The following CLIC4 variants were observed in gnomAD, a reference collection of about 807,000 sequenced individuals.
CLIC4 encodes chloride intracellular channel protein 4.
Under a neutral mutation model 24.6 loss-of-function variants are expected in CLIC4, and 13 were observed. That is an observed-to-expected ratio of 0.53 (90% confidence interval 0.34 to 0.84). CLIC4 has a LOEUF of 0.84. CLIC4 is among the 40% of genes least tolerant of loss of function. CLIC4 has a pLI of 0.01. For missense variants in CLIC4, 227 were observed against 301.7 expected (o/e 0.75, Z 1.83); for synonymous variants, 104 against 111.3 (o/e 0.93, Z 0.41).
At chr1:24,768,566 A>G (rs1028579605) in intron 1 of CLIC4, among the ~76,000 whole-genome samples, 1 of 152,124 alleles carries the variant, frequency 6.6e-6, no homozygotes, top group Non-Finnish European at 1.5e-5. Context: ...ATCTAAGATT[A>G]TTGTTTTTAG....
chr1:24,782,014 A>T (rs2124113846), intron 1 of CLIC4, among the ~76,000 whole-genome samples: 1 of 152,328 alleles, frequency 6.6e-6, no homozygotes, highest in East Asian at 1.9e-4. Context: ...TGAAACTATT[A>T]TGTTAGGTAA....
At chr1:24,839,276 G>C (rs1287071240) in intron 4 of CLIC4, among the ~76,000 whole-genome samples, 1 of 152,148 alleles carries the variant, frequency 6.6e-6, no homozygotes. Flanking sequence ...TGGACCATTT[G>C]TGTTCATGTG....
intron 1 of CLIC4, among the ~76,000 whole-genome samples, chr1:24,779,048 C>T (rs1639174415): frequency 6.6e-6 from 1 of 151,882 alleles, no homozygotes; most frequent in Non-Finnish European, 1.5e-5. Flanking sequence ...AACATTTTGG[C>T]ACTGATTAGA....
chr1:24,767,718 CT>C (rs1368263889), intron 1 of CLIC4, among the ~76,000 whole-genome samples: 6 of 151,784 alleles, frequency 4.0e-5, no homozygotes, highest in African/African-American at 7.3e-5. Flanking sequence ...GAATGTTTTT[CT>C]TTTTTTCCTC....
chr1:24,751,207 C>CTTT (rs563478354), intron 1 of CLIC4, among the ~76,000 whole-genome samples: 8 of 109,018 alleles, frequency 7.3e-5, no homozygotes, highest in African/African-American at 2.0e-4. Flanking sequence ...TACTTCCAGT[C>CTTT]TTTTTTTTTT....
At chr1:24,747,093 C>A (rs995254880) in intron 1 of CLIC4, among the ~76,000 whole-genome samples, 5 of 140,844 alleles carry the variant, frequency 3.6e-5, no homozygotes, top group African/African-American at 1.4e-4. Flanking sequence ...TGTCAATTTT[C>A]GATTTTTTTT....
chr1:24,811,029 A>G (rs763834943), intron 2 of CLIC4, among the ~76,000 whole-genome samples: 2 of 151,616 alleles, frequency 1.3e-5, no homozygotes, highest in Non-Finnish European at 2.9e-5. Flanking sequence ...TAGTGAGCCG[A>G]GATCGCACCA....
intron 2 of CLIC4, among the ~76,000 whole-genome samples, chr1:24,804,571 G>T (rs1354016489): frequency 7.0e-6 from 1 of 143,294 alleles, no homozygotes; most frequent in Non-Finnish European, 1.5e-5. Context: ...GTGTACGTGG[G>T]TGGGTGGGGA....
intron 1 of CLIC4, among the ~76,000 whole-genome samples, chr1:24,745,959 G>T (rs1272631540): frequency 6.7e-6 from 1 of 150,266 alleles, no homozygotes; most frequent in African/African-American, 2.4e-5. Context: ...CGCCGGGCGC[G>T]CGCGGGTCCT....
At chr1:24,812,790 C>T (rs1639627706) in intron 2 of CLIC4, among the ~76,000 whole-genome samples, 1 of 152,088 alleles carries the variant, frequency 6.6e-6, no homozygotes, top group Non-Finnish European at 1.5e-5. Context: ...GCGATCTTGG[C>T]TCACTGTAAC....
intron 2 of CLIC4, among the ~76,000 whole-genome samples, chr1:24,808,844 T>A (rs151264698): frequency 0.014 from 2,050 of 151,802 alleles, 48 homozygotes; most frequent in African/African-American, 0.047. Flanking sequence ...GCCTGACTAA[T>A]TTTTTTTATT....
At chr1:24,801,162 G>A (rs1323129880) in intron 2 of CLIC4, among the ~76,000 whole-genome samples, 1 of 151,974 alleles carries the variant, frequency 6.6e-6, no homozygotes, top group African/African-American at 2.4e-5. Context: ...AACATGATTT[G>A]CTATTATACT....
intron 3 of CLIC4, among the ~76,000 whole-genome samples, chr1:24,815,571 T>C (rs1254204097): frequency 6.6e-6 from 1 of 152,200 alleles, no homozygotes; most frequent in Admixed American, 6.5e-5. Context: ...TTTTTGCCGA[T>C]GGAGGGTCTT....
chr1:24,812,217 C>T (rs1420500444), intron 2 of CLIC4, among the ~76,000 whole-genome samples: 3 of 152,160 alleles, frequency 2.0e-5, no homozygotes, highest in Non-Finnish European at 4.4e-5. Flanking sequence ...AAGCTTTTCT[C>T]ACTCAGTACT....
At chr1:24,746,875 A>G (rs1015308548) in intron 1 of CLIC4, among the ~76,000 whole-genome samples, 1 of 152,156 alleles carries the variant, frequency 6.6e-6, no homozygotes, top group Non-Finnish European at 1.5e-5. Flanking sequence ...ACGCGCCTGT[A>G]CTACTCTGGA....
At chr1:24,777,835 TAA>T (rs1198922818) in intron 1 of CLIC4, 1 of 152,176 alleles carries the variant, frequency 6.6e-6, no homozygotes, top group East Asian at 1.9e-4. Flanking sequence ...TTGGGTTAAA[TAA>T]AAAAATTTAA....
At chr1:24,766,845 T>C (rs116144382) in intron 1 of CLIC4, among the ~76,000 whole-genome samples, 2,389 of 151,576 alleles carry the variant, frequency 0.016, 66 homozygotes, top group African/African-American at 0.055. Context: ...TCTTTTGGAA[T>C]TGAAGACCAT....
At chr1:24,793,509 G>C (rs1454891866) in intron 1 of CLIC4, among the ~76,000 whole-genome samples, 1 of 152,144 alleles carries the variant, frequency 6.6e-6, no homozygotes, top group African/African-American at 2.4e-5. Context: ...TGCTGAATCA[G>C]AATCTCTAGA....
At chr1:24,827,634 G>A (rs953415552) in intron 4 of CLIC4, among the ~76,000 whole-genome samples, 1 of 151,202 alleles carries the variant, frequency 6.6e-6, no homozygotes, top group Non-Finnish European at 1.5e-5. Flanking sequence ...CTTTAAGAGG[G>A]TAATTAGACA....
Sources: gnomAD v4.1 joint callset for allele counts (sites outside exome capture counted in the v4.1 genomes callset) on GRCh38, gnomAD v4.1.1 for gene constraint, MANE v1.5 for transcripts, NCBI Gene and HGNC (gene_info 2026-07-23, HGNC 2026-07-21) for gene names.